TEC: variants seen among roughly 807,000 people sequenced by gnomAD.
The protein encoded by TEC is tyrosine-protein kinase Tec.
A neutral mutation model predicts 93.0 loss-of-function variants in TEC; 72 were observed. The ratio of observed to expected loss-of-function variants is 0.77; its 90% CI spans 0.64 to 0.94. TEC has a LOEUF of 0.94. Among genes scored for constraint, TEC ranks in the 40% least tolerant of loss-of-function variants. The pLI is 0.00. For synonymous variants in TEC, 249 were observed against 247.7 expected, an observed-to-expected ratio of 1.01 and a Z score of -0.05; for missense variants, 630 against 757.9, an observed-to-expected ratio of 0.83 and a Z score of 1.98.
At chr4:48,264,801 T>G (rs1344772351) in intron 1 of TEC, among the ~76,000 whole-genome samples, 1 of 152,104 alleles carries the variant, frequency 6.6e-6, no homozygotes, top group Non-Finnish European at 1.5e-5. Flanking sequence ...CACGCCTGGC[T>G]AATTTTTTTT....
chr4:48,222,042 G>T (rs548613444), intron 2 of TEC, among the ~76,000 whole-genome samples: 1 of 152,246 alleles, frequency 6.6e-6, no homozygotes, highest in East Asian at 1.9e-4. Flanking sequence ...TTGCCAGGAG[G>T]GAGACAGAAA....
intron 1 of TEC, among the ~76,000 whole-genome samples, chr4:48,238,143 T>C (rs565784891): frequency 6.6e-6 from 1 of 152,070 alleles, no homozygotes; most frequent in South Asian, 2.1e-4. Flanking sequence ...CAAAATAGAG[T>C]ACATTCTAGG....
chr4:48,163,824 A>AAAGT, intron 7 of TEC, 57 bp from the exon 8 acceptor site: 1 of 949,012 alleles, frequency 1.1e-6, no homozygotes, highest in Non-Finnish European at 1.6e-6. Flanking sequence ...TTATTGAAAG[A>AAAGT]AAGAAAGATT....
intron 3 of TEC, among the ~76,000 whole-genome samples, chr4:48,172,844 G>A (rs970843725): frequency 1.3e-5 from 2 of 152,156 alleles, no homozygotes; most frequent in African/African-American, 4.8e-5. Context: ...CATTTATGCA[G>A]GCTTGCCCAC....
In TEC at chr4:48,228,463, T is replaced by C. The variant is rs1230967040; in HGVS notation, c.138+14A>G. 1.3e-6 allele frequency: 2 copies of C among 1,567,356 alleles called. No individual in the cohort carries two copies. Among genetic ancestry groups the C allele is most frequent in the African/African-American group, 2.8e-5 (2 of 72,260 alleles). On this transcript the variant is annotated intron_variant, in intron 2 of 17. Transcript: ENST00000381501. ...ACATAGAAAGCAGAAAAGTAAATCG[T>C]GATTGTCTCTTACCTCTGCTCGACC...
At chr4:48,212,110 A>AAATATATATAT in intron 2 of TEC, among the ~76,000 whole-genome samples, 137 of 122,236 alleles carry the variant, frequency 1.1e-3, no homozygotes, top group Admixed American at 1.5e-3. Flanking sequence ...AAAAAAAAAA[A>AAATATATATAT]ATATATATAT....
chr4:48,215,827 A>T (rs1723059479), intron 2 of TEC, among the ~76,000 whole-genome samples: 1 of 152,178 alleles, frequency 6.6e-6, no homozygotes, highest in Non-Finnish European at 1.5e-5. Flanking sequence ...CATCCTTTCC[A>T]GAACTAAGGC....
At chr4:48,246,088 A>C (rs543973693) in intron 1 of TEC, among the ~76,000 whole-genome samples, 6 of 152,320 alleles carry the variant, frequency 3.9e-5, no homozygotes, top group African/African-American at 1.4e-4. Context: ...CAGCCTGCGT[A>C]ACAAGAGTGA....
chr4:48,142,766 C>T (rs1577694025), intron 14 of TEC, among the ~76,000 whole-genome samples: 1 of 152,016 alleles, frequency 6.6e-6, no homozygotes, highest in African/African-American at 2.4e-5. Context: ...CTGCAACCTC[C>T]ACCTCCTGGG....
chr4:48,186,306 G>A (rs912188951), intron 2 of TEC, among the ~76,000 whole-genome samples: 3 of 152,114 alleles, frequency 2.0e-5, no homozygotes, highest in African/African-American at 7.2e-5. Flanking sequence ...GAGCGTCTCT[G>A]CCTGGCCACC....
At chr4:48,267,924 T>C (rs920922455) in intron 1 of TEC, among the ~76,000 whole-genome samples, 2 of 152,182 alleles carry the variant, frequency 1.3e-5, no homozygotes, top group African/African-American at 2.4e-5. Context: ...GGCAGAGGTG[T>C]GGCTGGAGGC....
chr4:48,140,033 T>C (rs1027940784), intron 15 of TEC, among the ~76,000 whole-genome samples: 2 of 152,236 alleles, frequency 1.3e-5, no homozygotes, highest in African/African-American at 2.4e-5. Context: ...ATTGAACAGA[T>C]GAAAGCGGCA....
At chr4:48,181,923 T>C (rs1187505707) in intron 2 of TEC, among the ~76,000 whole-genome samples, 2 of 152,172 alleles carry the variant, frequency 1.3e-5, no homozygotes, top group African/African-American at 4.8e-5. Context: ...ATTTAGACTA[T>C]TCTTTAGAAT....
chr4:48,193,018 T>G (rs889757261), intron 2 of TEC, among the ~76,000 whole-genome samples: 7 of 152,052 alleles, frequency 4.6e-5, no homozygotes, highest in African/African-American at 1.7e-4. Context: ...GCCCAATAAC[T>G]TTGTTGAATA....
At position 48,149,603 on chromosome 4, in the gene TEC, A is replaced by G. The variant is rs1480431909; in HGVS notation, c.960T>C (p.Phe320=). 1.2e-6 allele frequency: 2 copies of G among 1,612,390 alleles called. No individual in the cohort carries two copies. Among genetic ancestry groups the G allele is most frequent in the Non-Finnish European group, 1.7e-6 (2 of 1,179,400 alleles). The part of the protein sequence containing the change: ...KKYYLAEKHA[F]GSIPEIIEYH... ...ATTCAATAATCTCAGGAATGGAGCC[A>G]AAAGCATGTTTTTCAGCTAGGTAAT... is the stretch of plus-strand genomic sequence containing the variant. Residue 320 remains phenylalanine (F), a synonymous_variant, in exon 11 of 18, where the codon TTT becomes TTC. Transcript: ENST00000381501.
intron 2 of TEC, among the ~76,000 whole-genome samples, chr4:48,179,340 A>G (rs1488092182): frequency 1.4e-3 from 31 of 22,754 alleles, no homozygotes; most frequent in East Asian, 2.8e-3. Flanking sequence ...CGTGGGTAGT[A>G]TATATATATA....
At chr4:48,160,670 T>C (rs1720595758) in intron 8 of TEC, among the ~76,000 whole-genome samples, 1 of 145,186 alleles carries the variant, frequency 6.9e-6, no homozygotes, top group African/African-American at 2.6e-5. Context: ...GAGGTTGCAG[T>C]GAGCTGAGAT....
At chr4:48,228,842 A>T (rs185285740) in intron 1 of TEC, among the ~76,000 whole-genome samples, 183 bp from the exon 2 acceptor site, 1 of 152,290 alleles carries the variant, frequency 6.6e-6, no homozygotes, top group East Asian at 1.9e-4. Flanking sequence ...TCCAGTTTCC[A>T]TCCTGCTCCT....
At position 48,174,840 on chromosome 4, in the gene TEC, TA is replaced by T. The variant is rs534457451; in HGVS notation, c.243+1241del. On this transcript the variant is annotated intron_variant, in intron 3 of 17. Transcript: ENST00000381501. ...AGTAGTAAGAGAATAGCAATAGTAATAATAGCAACTACCACTTACCTTGCTC... is the reference window on the plus strand; with the variant it reads ...AGTAGTAAGAGAATAGCAATAGTAATATAGCAACTACCACTTACCTTGCTC... Among the ~76,000 whole-genome samples, 93 of 152,324 alleles carry T rather than the reference TA, an allele frequency of 6.1e-4. 4 individuals are homozygous for T. In the South Asian group the frequency reaches 0.019, roughly 31 times the overall value.
Sources: allele counts gnomAD v4.1 joint callset (sites outside exome capture counted in the v4.1 genomes callset), GRCh38; gene constraint gnomAD v4.1.1; transcripts MANE v1.5; gene names NCBI Gene and HGNC (gene_info 2026-07-23, HGNC 2026-07-21).